The following WDR25 variants were observed in gnomAD, a reference collection of about 807,000 sequenced individuals.
WDR25 encodes WD repeat-containing protein 25.
In WDR25, 35 loss-of-function variants were observed where a neutral mutation model predicts 47.7. The ratio of observed to expected loss-of-function variants is 0.73; its 90% CI spans 0.56 to 0.97. The LOEUF (loss-of-function observed/expected upper bound fraction) is 0.97. Ranked by LOEUF, WDR25 falls within the 50% of genes least tolerant of loss-of-function variation. The pLI is 0.00. For missense variants in WDR25, 634 were observed against 704.7 expected (o/e 0.90, Z 1.14); for synonymous variants, 248 against 278.9 (o/e 0.89, Z 1.10).
chr14:100,413,536 C>G (rs1362445964), intron 2 of WDR25, among the ~76,000 whole-genome samples: 4 of 152,076 alleles, frequency 2.6e-5, no homozygotes, highest in African/African-American at 9.7e-5. Flanking sequence ...GCCTCAGCCT[C>G]CCGAGTAGCT....
intron 4 of WDR25, among the ~76,000 whole-genome samples, chr14:100,524,926 CA>C (rs2030039443): frequency 6.6e-6 from 1 of 152,164 alleles, no homozygotes; most frequent in Admixed American, 6.5e-5. Flanking sequence ...AATATGTCTG[CA>C]AAATTTGAAA....
chr14:100,443,795 A>G (rs912686882), intron 2 of WDR25, among the ~76,000 whole-genome samples: 3 of 152,216 alleles, frequency 2.0e-5, no homozygotes, highest in Non-Finnish European at 4.4e-5. Context: ...AAATGAGCGC[A>G]TTTGGAAGGC....
At position 100,500,016 on chromosome 14, in the gene WDR25, G is replaced by A. The variant is rs565981009; in HGVS notation, c.1101+15892G>A. Among the ~76,000 whole-genome samples, 110 of 152,206 alleles carry A rather than the reference G, an allele frequency of 7.2e-4. 1 individual carries two copies. In the South Asian group the frequency reaches 0.022, roughly 30 times the overall value. On this transcript the variant is annotated intron_variant, in intron 4 of 6. Coordinates refer to ENST00000402312, the MANE Select transcript of WDR25 (RefSeq NM_001161476.3). The surrounding 1 kb of genome is among the most constrained non-coding windows in gnomAD (Gnocchi z 4.7). ...GGGATGGTACAAGCATTGGGAAATG[G>A]TCTTGCAGCCTGCCTGGCCCCGCTC...
chr14:100,390,412 TG>T (rs1165335928), intron 2 of WDR25, among the ~76,000 whole-genome samples: 2 of 151,832 alleles, frequency 1.3e-5, no homozygotes, highest in African/African-American at 4.8e-5. Context: ...TGTGTGTGTG[TG>T]TGTGTGTGTG....
At position 100,381,347 on chromosome 14, in the gene WDR25, G is replaced by A. The variant is rs1358094814; in HGVS notation, c.423G>A (p.Arg141=). The change falls in exon 2 of 7, where the codon AGG becomes AGA. Residue 141 remains arginine, a synonymous_variant. Transcript: ENST00000402312. ...AARFKQVKLS[R]NFPKSSFHAQ... ...GCTTTAAGCAAGTAAAACTCTCCAG[G>A]AACTTTCCCAAGTCATCTTTCCATG... 1.2e-6 allele frequency: 2 copies of A among 1,614,206 alleles called. No individual in the cohort carries two copies. Among genetic ancestry groups the A allele is most frequent in the East Asian group, 2.2e-5 (1 of 44,888 alleles).
intron 2 of WDR25, among the ~76,000 whole-genome samples, chr14:100,442,139 G>A (rs1898688828): frequency 6.6e-6 from 1 of 152,238 alleles, no homozygotes; most frequent in Admixed American, 6.5e-5. Flanking sequence ...GGATGGGCTT[G>A]GGTTGCAGAG....
rs893555761 is a variant in WDR25, at chr14:100,498,891, C to G, written c.1101+14767C>G. ...GGCAGCCCTGTCCCTCCCCTTCTGT[C>G]TCTTACTTGGCCTGAGTGGGGCTGT... On this transcript the variant is annotated intron_variant, in intron 4 of 6. Transcript: ENST00000402312. The surrounding 1 kb of genome is among the most constrained non-coding windows in gnomAD (Gnocchi z 4.2). Among the ~76,000 whole-genome samples the G allele has an allele frequency of 1.3e-5, 2 of 152,214 alleles. No homozygotes were observed. The highest frequency in any genetic ancestry group is 3.8e-4 in the East Asian group (2 of 5,204).
chr14:100,438,135 C>G (rs1229327393), intron 2 of WDR25, among the ~76,000 whole-genome samples: 1 of 152,144 alleles, frequency 6.6e-6, no homozygotes. Flanking sequence ...TATTTTGTTG[C>G]TGGTGTCTAA....
chr14:100,523,687 G>T lies in WDR25; in HGVS notation c.1102-2183G>T, dbSNP rs767410006. 6.6e-6 allele frequency among the ~76,000 whole-genome samples: 1 copy of T among 152,140 alleles called. No homozygotes were observed. The highest frequency in any genetic ancestry group is 2.4e-5 in the African/African-American group (1 of 41,418). The stretch of plus-strand genomic sequence containing the variant: ...CAGCGGCCCAGCATCCCCCAGGTTT[G>T]CTGGTGGGCCGAGTGGTGGGCAGAT... On this transcript the variant is annotated intron_variant, in intron 4 of 6. Transcript: ENST00000402312. This position sits in a 1 kb window ranked among gnomAD's most constrained non-coding sequence, Gnocchi z 4.7.
At chr14:100,447,068 T>A (rs1898860272) in intron 2 of WDR25, among the ~76,000 whole-genome samples, 1 of 152,338 alleles carries the variant, frequency 6.6e-6, no homozygotes. Context: ...ACAGACTAAT[T>A]CAACGCTATT....
chr14:100,493,331 T>G (rs974689672), intron 4 of WDR25, among the ~76,000 whole-genome samples: 2 of 152,218 alleles, frequency 1.3e-5, no homozygotes, highest in African/African-American at 4.8e-5. Context: ...CTACTCTGTC[T>G]GTATAGATTT....
At chr14:100,516,296 T>A (rs1284717320) in intron 4 of WDR25, among the ~76,000 whole-genome samples, 1 of 152,068 alleles carries the variant, frequency 6.6e-6, no homozygotes. Flanking sequence ...TATTTCAAGG[T>A]TTTCCCCCTC....
At chr14:100,459,882 A>ATGTGTGTG (rs1196765655) in intron 2 of WDR25, among the ~76,000 whole-genome samples, 1 of 72,018 alleles carries the variant, frequency 1.4e-5, no homozygotes, top group African/African-American at 6.3e-5. Flanking sequence ...ATATCCGTAT[A>ATGTGTGTG]TGTGTGTGTG....
chr14:100,496,217 T>G (rs1233086943), intron 4 of WDR25, among the ~76,000 whole-genome samples: 1 of 152,252 alleles, frequency 6.6e-6, no homozygotes, highest in Non-Finnish European at 1.5e-5. Context: ...TGTATATGTC[T>G]TCATGAGTGA....
At position 100,436,785 on chromosome 14, in the gene WDR25, A is replaced by T. The variant is rs551490831; in HGVS notation, c.823-31236A>T. ...ACATCTGGCTGGGCATCATATGTGCAGAAGAGAGCGTCTCTTCGCTCTCGC... is the reference window on the plus strand; with the variant it reads ...ACATCTGGCTGGGCATCATATGTGCTGAAGAGAGCGTCTCTTCGCTCTCGC... On this transcript the variant is annotated intron_variant, in intron 2 of 6. Coordinates refer to ENST00000402312, the MANE Select transcript of WDR25 (RefSeq NM_001161476.3). Among the ~76,000 whole-genome samples the T allele has an allele frequency of 2.0e-5, 3 of 152,224 alleles. No individual in the cohort carries two copies. In the South Asian group the frequency reaches 6.2e-4, roughly 32 times the overall value.
chr14:100,388,854 A>G (rs1183488927), intron 2 of WDR25, among the ~76,000 whole-genome samples: 1 of 152,264 alleles, frequency 6.6e-6, no homozygotes, highest in Non-Finnish European at 1.5e-5. Context: ...AGAAGCTGAC[A>G]GGAAGAAAAC....
chr14:100,512,883 G>C (rs1901354528), intron 4 of WDR25, among the ~76,000 whole-genome samples: 1 of 152,094 alleles, frequency 6.6e-6, no homozygotes, highest in Non-Finnish European at 1.5e-5. Flanking sequence ...CAAACACTTG[G>C]GAACTTTTCA....
intron 2 of WDR25, among the ~76,000 whole-genome samples, chr14:100,383,027 A>G (rs751481621): frequency 6.6e-6 from 1 of 152,336 alleles, no homozygotes. Flanking sequence ...TGCAAATTAC[A>G]TTTTGAGCTT....
Position 100,500,319 on chromosome 14 carries a change from T to C in WDR25, c.1101+16195T>C, listed in dbSNP as rs1423967137. Among the ~76,000 whole-genome samples, 9 of 152,120 alleles carry C rather than the reference T, an allele frequency of 5.9e-5. No homozygotes were observed. In the South Asian group the frequency reaches 1.9e-3, roughly 32 times the overall value. On this transcript the variant is annotated intron_variant, in intron 4 of 6. Transcript: ENST00000402312. This position sits in a 1 kb window ranked among gnomAD's most constrained non-coding sequence, Gnocchi z 4.7. ...GGCTGCGGGGAAGGCCCTGCCCTAA[T>C]TCAGTGGCCTAGAGGCAGGCCAGCT...
Sources: allele counts gnomAD v4.1 joint callset (sites outside exome capture counted in the v4.1 genomes callset), GRCh38; gene constraint gnomAD v4.1.1; non-coding constraint Gnocchi (gnomAD v3.1); transcripts MANE v1.5; gene names NCBI Gene and HGNC (gene_info 2026-07-23, HGNC 2026-07-21).